Variants in PLA2G2C observed in about 807,000 individuals in gnomAD.
The protein encoded by PLA2G2C is phospholipase A2 group IIC.
Under a neutral mutation model 14.3 loss-of-function variants are expected in PLA2G2C, and 15 were observed. The observed-to-expected ratio is 1.05, with a 90% confidence interval of 0.70 to 1.62. The LOEUF (loss-of-function observed/expected upper bound fraction) is 1.62, where lower values mean the gene tolerates loss of function less well. Ranked by LOEUF, PLA2G2C falls within the 40% of genes most tolerant of loss-of-function variation. The pLI, the probability that PLA2G2C is intolerant of heterozygous loss-of-function variation, is 0.00. For synonymous variants in PLA2G2C, 79 were observed against 67.7 expected, an observed-to-expected ratio of 1.17 and a Z score of -0.82; for missense variants, 162 against 173.2, an observed-to-expected ratio of 0.94 and a Z score of 0.36.
At chr1:20,164,198 C>G in intron 4 of PLA2G2C, 41 bp from the exon 5 acceptor site, 2 of 1,583,786 alleles carry the variant, frequency 1.3e-6, no homozygotes, top group Non-Finnish European at 1.7e-6. Context: ...CCCAGCCCAG[C>G]CCCAGGGTTT....
In PLA2G2C at chr1:20,172,886, GAGGGGCTGTGCCT is replaced by G; in HGVS notation, c.180-2_190del. On this transcript the variant is annotated splice_acceptor_variant and coding_sequence_variant, in exon 4 of 5. Transcript: ENST00000679259. LOFTEE classifies it high-confidence loss of function. ...CAGCTTCTCGTAGGGAGAGGGAGAT[GAGGGGCTGTGCCT>G]GGAAGTGGGTCCCTCAGGAATCTGC... 6.2e-7 allele frequency: 1 copy of G among 1,613,722 alleles called. No individual in the cohort carries two copies. Among genetic ancestry groups the G allele is most frequent in the Non-Finnish European group, 8.5e-7 (1 of 1,179,762 alleles).
chr1:20,175,508 G>A (rs927982750), intron 2 of PLA2G2C, among the ~76,000 whole-genome samples: 3 of 152,192 alleles, frequency 2.0e-5, no homozygotes, highest in African/African-American at 7.2e-5. Context: ...AGCCAGAAAC[G>A]CCAGTCCCTC....
chr1:20,176,912 A>T (rs1376635729), intron 2 of PLA2G2C, among the ~76,000 whole-genome samples: 1 of 152,240 alleles, frequency 6.6e-6, no homozygotes, highest in Non-Finnish European at 1.5e-5. Flanking sequence ...TTATCCCATA[A>T]GTCACCATAA....
chr1:20,172,854 A>G lies in PLA2G2C; in HGVS notation c.223T>C (p.Phe75Leu). The G allele has an allele frequency of 1.2e-6, 2 of 1,613,740 alleles. No individual in the cohort carries two copies. Among genetic ancestry groups the G allele is most frequent in the Admixed American group, 3.3e-5 (2 of 60,006 alleles). The change falls in exon 4 of 5, where the codon TTC becomes CTC. Residue 75 changes from phenylalanine (F) to leucine (L), a missense_variant. Physicochemically the swap from Phe to Leu is conservative, Grantham distance 22. Coordinates refer to ENST00000679259, the MANE Select transcript of PLA2G2C (RefSeq NM_001367969.2). Reference sequence around the variant, plus strand: ...CTGTTCAACACAGGCTGGCAGCTGAACTCCTTCAGCTTCTCGTAGGGAGAG... The same window carrying G: ...CTGTTCAACACAGGCTGGCAGCTGAGCTCCTTCAGCTTCTCGTAGGGAGAG... ...SPSPYEKLKEFSCQPVLNSYQ... is the reference protein window; with the variant it reads ...SPSPYEKLKELSCQPVLNSYQ...
Position 20,171,092 on chromosome 1 carries a change from G to C in PLA2G2C, c.283+1702C>G, listed in dbSNP as rs985489357. On this transcript the variant is annotated intron_variant, in intron 4 of 4. Coordinates refer to ENST00000679259, the MANE Select transcript of PLA2G2C (RefSeq NM_001367969.2). ...CCACAGGAGCCCAGGGTGGAGGCTT[G>C]GGCTGGGCCAGCCAGGTGTCCCCAC... Among the ~76,000 whole-genome samples the C allele has an allele frequency of 3.5e-5, 5 of 141,370 alleles. 1 individual carries two copies. Among genetic ancestry groups the C allele is most frequent in the Non-Finnish European group, 6.2e-5 (4 of 64,826 alleles). 92.7% of individuals were successfully genotyped at this position (141,370 alleles called of 152,430 possible). A position where few individuals can be genotyped will look rare whatever the true frequency, so the allele number is the denominator to read the frequency against.
At position 20,175,139 on chromosome 1, in the gene PLA2G2C, G is replaced by T; in HGVS notation, c.47C>A (p.Thr16Asn). 1 of 1,613,796 alleles carries T rather than the reference G, an allele frequency of 6.2e-7. No homozygotes were observed. Among genetic ancestry groups the T allele is most frequent in the East Asian group, 2.2e-5 (1 of 44,888 alleles). The change falls in exon 3 of 5, where the codon ACC becomes AAC. Residue 16 changes from threonine (T) to asparagine (N), a missense_variant. Coordinates refer to ENST00000679259, the MANE Select transcript of PLA2G2C (RefSeq NM_001367969.2). ...ILTLLLFCSP[T>N]HSSFWQFQRR... ...CTGAAACTGCCAGAAACTGCTGTGGGTGGGGGCTGCCACCACCGATGAGAA... is the reference window on the plus strand; with the variant it reads ...CTGAAACTGCCAGAAACTGCTGTGGTTGGGGGCTGCCACCACCGATGAGAA...
intron 4 of PLA2G2C, among the ~76,000 whole-genome samples, chr1:20,168,144 G>A (rs928454773): frequency 1.3e-5 from 2 of 152,244 alleles, no homozygotes; most frequent in African/African-American, 4.8e-5. Flanking sequence ...AGGAAGCCAG[G>A]TTCTTGGGCC....
rs1236149837 is a variant in PLA2G2C at position 20,171,910 on chromosome 1, C to T, written c.283+884G>A. 3.3e-5 allele frequency among the ~76,000 whole-genome samples: 5 copies of T among 151,382 alleles called. No individual in the cohort carries two copies. In the East Asian group the frequency reaches 9.7e-4, roughly 29 times the overall value. ...CCGAGTAGCTGGGACTACAGGCGCC[C>T]ACCATCACGCCCGGCTAATTTTTTT... On this transcript the variant is annotated intron_variant, in intron 4 of 4. Coordinates refer to ENST00000679259, the MANE Select transcript of PLA2G2C (RefSeq NM_001367969.2).
At chr1:20,173,530 C>T (rs2018126853) in intron 3 of PLA2G2C, among the ~76,000 whole-genome samples, 1 of 152,110 alleles carries the variant, frequency 6.6e-6, no homozygotes, top group Non-Finnish European at 1.5e-5. Context: ...AACCTAGGCC[C>T]ATTCATTCAT....
chr1:20,182,338 T>A (rs1159692198), intron 1 of PLA2G2C, among the ~76,000 whole-genome samples: 2 of 152,214 alleles, frequency 1.3e-5, no homozygotes, highest in African/African-American at 4.8e-5. Flanking sequence ...TATGTTTAGA[T>A]CTGTTTGGAT....
At chr1:20,182,873 G>A (rs985337929) in intron 1 of PLA2G2C, among the ~76,000 whole-genome samples, 2 of 152,244 alleles carry the variant, frequency 1.3e-5, no homozygotes, top group South Asian at 2.1e-4. Flanking sequence ...CGGGGCCCCC[G>A]CCTTCAGCAA....
At chr1:20,164,819 C>T (rs1416818616) in intron 4 of PLA2G2C, among the ~76,000 whole-genome samples, 1 of 152,248 alleles carries the variant, frequency 6.6e-6, no homozygotes, top group Non-Finnish European at 1.5e-5. Context: ...TCCGGTCTGC[C>T]AGCGGGTCCC....
At chr1:20,181,131 A>C (rs1410307649) in intron 1 of PLA2G2C, among the ~76,000 whole-genome samples, 2 of 152,134 alleles carry the variant, frequency 1.3e-5, no homozygotes, top group Admixed American at 1.3e-4. Context: ...TTACTCACTA[A>C]ATCTTCACAT....
In PLA2G2C at chr1:20,173,592, T is replaced by G. The variant is rs1301079574; in HGVS notation, c.180-695A>C. On this transcript the variant is annotated intron_variant, in intron 3 of 4. Transcript: ENST00000679259. The stretch of plus-strand genomic sequence containing the variant: ...GTGAGTCAGGCACTGTAACGGTCTC[T>G]GAGGAGACAACTGTCTGTAAAAGCC... Among the ~76,000 whole-genome samples the G allele has an allele frequency of 5.3e-5, 8 of 152,184 alleles. No homozygotes were observed. The East Asian group carries it at 1.5e-3, about 29-fold the overall frequency.
chr1:20,171,821 G>A (rs2100716851), intron 4 of PLA2G2C, among the ~76,000 whole-genome samples: 1 of 148,042 alleles, frequency 6.8e-6, no homozygotes, highest in Admixed American at 6.8e-5. Context: ...GAGTGCAGTG[G>A]CGCAATCTCG....
intron 4 of PLA2G2C, among the ~76,000 whole-genome samples, chr1:20,170,160 G>A (rs141171076): frequency 2.4e-3 from 370 of 152,320 alleles, no homozygotes; most frequent in African/African-American, 8.4e-3. Context: ...GGTGCTGTGC[G>A]TACAGCATCT....
rs1203077994 is a variant in PLA2G2C, at chr1:20,164,176, T to TC, written c.284-20dup. On this transcript the variant is annotated intron_variant, in intron 4 of 4. Coordinates refer to ENST00000679259, the MANE Select transcript of PLA2G2C (RefSeq NM_001367969.2). ...CATCCACCTACAGAGACACAGAGGG[T>TC]CACTGGGGGCTCCCAGCCCAGCCCC... The TC allele has an allele frequency of 6.2e-7, 1 of 1,602,790 alleles. No individual in the cohort carries two copies. The highest frequency in any genetic ancestry group is 8.5e-7 in the Non-Finnish European group (1 of 1,174,254).
chr1:20,171,919 G>A (rs2018085010), intron 4 of PLA2G2C, among the ~76,000 whole-genome samples: 1 of 151,018 alleles, frequency 6.6e-6, no homozygotes, highest in South Asian at 2.1e-4. Flanking sequence ...CCACCATCAC[G>A]CCCGGCTAAT....
At chr1:20,178,348 T>C (rs191500799) in intron 1 of PLA2G2C, among the ~76,000 whole-genome samples, 3 of 152,322 alleles carry the variant, frequency 2.0e-5, no homozygotes, top group Admixed American at 2.0e-4. Context: ...ATAGCTCGGT[T>C]GAGCCTAGAG....
Sources: gnomAD v4.1 joint callset for allele counts (sites outside exome capture counted in the v4.1 genomes callset) on GRCh38, gnomAD v4.1.1 for gene constraint, MANE v1.5 for transcripts, NCBI Gene and HGNC (gene_info 2026-07-23, HGNC 2026-07-21) for gene names.